Variants in PSMD5 observed in about 807,000 individuals in gnomAD.
PSMD5 encodes the protein proteasome 26S subunit, non-ATPase 5, also known as 26S proteasome non-ATPase regulatory subunit 5.
In PSMD5, 40 loss-of-function variants were observed where a neutral mutation model predicts 52.1. That is an observed-to-expected ratio of 0.77 (90% CI 0.60 to 1.00). The LOEUF is 1.00. Among genes scored for constraint, PSMD5 ranks in the 50% least tolerant of loss-of-function variants. The pLI is 0.00. For synonymous variants in PSMD5, 211 were observed against 226.6 expected (o/e 0.93, Z 0.62); for missense variants, 575 against 605.2 (o/e 0.95, Z 0.52).
Position 120,817,992 on chromosome 9 carries a change from T to C in PSMD5, c.1429A>G (p.Asn477Asp). ...AGGTAAGTTCTGAGCCTCAAATAAT[T>C]TGGGTTCCCAAAGATTTCTGCAATT... Reference protein sequence around the residue: ...KTIAEIFGNPNYLRLRTYLSE... With the variant: ...KTIAEIFGNPDYLRLRTYLSE... Residue 477 changes from asparagine to aspartate, a missense_variant, in exon 10 of 10, where the codon AAT (asparagine) becomes GAT (aspartate). Transcript: ENST00000210313. The C allele has an allele frequency of 6.2e-7, 1 of 1,614,202 alleles. No homozygotes were observed. Among genetic ancestry groups the C allele is most frequent in the Non-Finnish European group, 8.5e-7 (1 of 1,180,024 alleles).
At position 120,816,488 on chromosome 9, in the gene PSMD5, G is replaced by A. The variant is rs2045043497; in HGVS notation, c.*1418C>T. On this transcript the variant is annotated 3_prime_UTR_variant, in exon 10 of 10. Coordinates refer to ENST00000210313, the MANE Select transcript of PSMD5 (RefSeq NM_005047.4). The stretch of plus-strand genomic sequence containing the variant: ...AGACCTGGTTATAGCCTAATTAGTA[G>A]TGATATTAACAGTAGGGGACTAGTC... 6.6e-6 allele frequency: 1 copy of A among 152,178 alleles called. No individual in the cohort carries two copies. Among genetic ancestry groups the A allele is most frequent in the African/African-American group, 2.4e-5 (1 of 41,448 alleles). The allele number at this position is 152,178 out of a possible 1,614,324, so 9.4% of individuals were successfully genotyped here.
At chr9:120,831,517 A>G in intron 3 of PSMD5, 58 bp from the exon 4 acceptor site, 3 of 1,513,434 alleles carry the variant, frequency 2.0e-6, no homozygotes, top group South Asian at 2.5e-5. Flanking sequence ...TATCTACTTC[A>G]TAAGAGTGAT....
intron 1 of PSMD5, among the ~76,000 whole-genome samples, chr9:120,834,802 G>C (rs2045187433): frequency 6.6e-6 from 1 of 152,222 alleles, no homozygotes; most frequent in African/African-American, 2.4e-5. Context: ...GTTAGGGGAA[G>C]AATTTTCAAT....
intron 5 of PSMD5, among the ~76,000 whole-genome samples, chr9:120,827,651 G>A (rs2045131636): frequency 6.6e-6 from 1 of 152,176 alleles, no homozygotes; most frequent in Non-Finnish European, 1.5e-5. Flanking sequence ...CAAATGCACT[G>A]AAGCAATGTA....
intron 7 of PSMD5, among the ~76,000 whole-genome samples, chr9:120,821,768 T>C (rs1350449284): frequency 6.6e-6 from 1 of 152,246 alleles, no homozygotes; most frequent in Non-Finnish European, 1.5e-5. Context: ...TCTGTCCTTA[T>C]GTGTTTGGCT....
chr9:120,831,154 G>A (rs900514226), intron 4 of PSMD5, among the ~76,000 whole-genome samples, 177 bp downstream of exon 4: 3 of 152,142 alleles, frequency 2.0e-5, no homozygotes, highest in Non-Finnish European at 4.4e-5. Context: ...ATAGAGCTGG[G>A]CTGTAAGTAT....
Position 120,816,361 on chromosome 9 carries a change from A to G in PSMD5, c.*1545T>C, listed in dbSNP as rs1051629501. 2 of 152,222 alleles carry G rather than the reference A, an allele frequency of 1.3e-5. No homozygotes were observed. The highest frequency in any genetic ancestry group is 4.8e-5 in the African/African-American group (2 of 41,450). 9.4% of individuals were successfully genotyped at this position (152,222 alleles called of 1,614,324 possible). ...GAACTGTACACTTAAAATAGTTATG[A>G]CAAATTTTATTGTATATATTGCACC... On this transcript the variant is annotated 3_prime_UTR_variant, in exon 10 of 10. Transcript: ENST00000210313.
intron 6 of PSMD5, chr9:120,825,033 C>T (rs1488077836): frequency 6.0e-6 from 1 of 167,572 alleles, no homozygotes; most frequent in Non-Finnish European, 1.3e-5. Context: ...ATAAAATAAG[C>T]TAGGCTACCT....
At chr9:120,824,158 C>G (rs2045105769) in intron 7 of PSMD5, 1 of 227,212 alleles carries the variant, frequency 4.4e-6, no homozygotes, top group Non-Finnish European at 8.5e-6. Flanking sequence ...GGACATGAAT[C>G]CAGACCTTTC....
intron 6 of PSMD5, chr9:120,824,904 T>C (rs987288069): frequency 2.3e-6 from 1 of 426,172 alleles, no homozygotes. Context: ...GGACCAGCTA[T>C]TGAAGTACTG....
intron 1 of PSMD5, among the ~76,000 whole-genome samples, chr9:120,834,365 T>G (rs1021005160): frequency 1.3e-5 from 2 of 151,934 alleles, no homozygotes; most frequent in South Asian, 2.1e-4. Flanking sequence ...ATAAACGCTA[T>G]GGGCTAAGAC....
intron 7 of PSMD5, among the ~76,000 whole-genome samples, 178 bp from the exon 8 acceptor site, chr9:120,821,642 G>A (rs1037709010): frequency 2.6e-5 from 4 of 152,158 alleles, no homozygotes; most frequent in African/African-American, 9.7e-5. Context: ...CTGAAACTCT[G>A]TATCCATCAA....
chr9:120,842,807 T>C lies in PSMD5; in HGVS notation c.103A>G (p.Asn35Asp). The C allele has an allele frequency of 1.9e-6, 3 of 1,612,378 alleles. No homozygotes were observed. The highest frequency in any genetic ancestry group is 2.5e-6 in the Non-Finnish European group (3 of 1,179,886). ...TCCGCCGCTTGCTGGCGAAGCTCGTTGAGCGGCACTGCCTGCAGCACGGAG... is the reference window on the plus strand; with the variant it reads ...TCCGCCGCTTGCTGGCGAAGCTCGTCGAGCGGCACTGCCTGCAGCACGGAG... Reference protein sequence around the residue: ...LHSVLQAVPLNELRQQAAELR... With the variant: ...LHSVLQAVPLDELRQQAAELR... Residue 35 changes from asparagine (N) to aspartate (D), a missense_variant, in exon 1 of 10, where the codon AAC (asparagine) becomes GAC (aspartate). Physicochemically the swap from Asn to Asp is conservative, Grantham distance 23. Coordinates refer to ENST00000210313, the MANE Select transcript of PSMD5 (RefSeq NM_005047.4).
intron 7 of PSMD5, among the ~76,000 whole-genome samples, chr9:120,823,701 T>C (rs968205444): frequency 6.6e-6 from 1 of 151,522 alleles, no homozygotes; most frequent in African/African-American, 2.4e-5. Flanking sequence ...TGAGTAGAGA[T>C]AGGATTTTGC....
At chr9:120,822,836 A>AT (rs553891764) in intron 7 of PSMD5, among the ~76,000 whole-genome samples, 21 of 148,262 alleles carry the variant, frequency 1.4e-4, no homozygotes, top group African/African-American at 4.2e-4. Context: ...CTCTTTTTAA[A>AT]TTTTTTTTTT....
rs140172529 is a variant in PSMD5, at chr9:120,821,449, C to T, written c.1022G>A (p.Arg341His). ...TTGATGTCCTATTCTCATAAGCAAG[C>T]GTTCAAAGCGAGTTCCTTTGAAGGA... ...VLQKTGTRFERLLMRIGHQSK... is the reference protein window; with the variant it reads ...VLQKTGTRFEHLLMRIGHQSK... Residue 341 changes from arginine (R) to histidine (H), a missense_variant, in exon 8 of 10, where the codon CGC becomes CAC. Arg to His is a conservative substitution (Grantham distance 29, BLOSUM62 0). Coordinates refer to ENST00000210313, the MANE Select transcript of PSMD5 (RefSeq NM_005047.4). The T allele has an allele frequency of 1.3e-5, 21 of 1,592,738 alleles. No individual in the cohort carries two copies. In the African/African-American group the frequency reaches 1.9e-4, roughly 14 times the overall value.
rs2045108596 is a variant in PSMD5, at chr9:120,824,496, G to C, written c.1004C>G (p.Thr335Arg). ...NVEGKQVLQK[T>R]GTRFERLLMR... Reference sequence around the variant, plus strand: ...GAACAGGGCCAAGTCATACCAACCTGTTTTCTGTAAAACCTGTTTTCCTTC... The same window carrying C: ...GAACAGGGCCAAGTCATACCAACCTCTTTTCTGTAAAACCTGTTTTCCTTC... Residue 335 changes from threonine (T) to arginine (R), a missense_variant and splice_region_variant, in exon 7 of 10, where the codon ACA (threonine) becomes AGA (arginine). Coordinates refer to ENST00000210313, the MANE Select transcript of PSMD5 (RefSeq NM_005047.4). The C allele has an allele frequency of 4.3e-6, 7 of 1,614,050 alleles. 1 individual carries two copies. The highest frequency in any genetic ancestry group is 4.5e-5 in the East Asian group (2 of 44,880).
At chr9:120,825,993 C>CTTTT (rs1194375987) in intron 6 of PSMD5, among the ~76,000 whole-genome samples, 1 of 131,260 alleles carries the variant, frequency 7.6e-6, no homozygotes, top group Non-Finnish European at 1.6e-5. Flanking sequence ...TTGTCCTGAT[C>CTTTT]TTTTTTTTTT....
chr9:120,818,245 T>G (rs2045059202), intron 9 of PSMD5, 82 bp from the exon 10 acceptor site: 1 of 1,386,948 alleles, frequency 7.2e-7, no homozygotes, highest in East Asian at 2.4e-5. Flanking sequence ...TACAAAGAAA[T>G]CTGGCAACAT....
Sources: gnomAD v4.1 joint callset for allele counts (sites outside exome capture counted in the v4.1 genomes callset) on GRCh38, gnomAD v4.1.1 for gene constraint, MANE v1.5 for transcripts, NCBI Gene and HGNC (gene_info 2026-07-23, HGNC 2026-07-21) for gene names.